The following MCM9 variants were observed in gnomAD, a reference collection of about 807,000 sequenced individuals.
MCM9 encodes the protein DNA helicase MCM9.
MCM9 carries 55 observed loss-of-function variants against 72.8 expected under a neutral mutation model. That is an observed-to-expected ratio of 0.76 (90% confidence interval 0.61 to 0.95). The LOEUF is 0.95. Ranked by LOEUF, MCM9 falls within the 40% of genes least tolerant of loss-of-function variation. The pLI, the probability that MCM9 is intolerant of heterozygous loss-of-function variation, is 0.00. For missense variants in MCM9, 1,279 were observed against 1,377.0 expected (o/e 0.93, Z 1.13); for synonymous variants, 480 against 503.4 (o/e 0.95, Z 0.62).
chr6:118,930,269 C>T (rs1237245134), intron 3 of MCM9, among the ~76,000 whole-genome samples: 1 of 152,066 alleles, frequency 6.6e-6, no homozygotes, highest in Non-Finnish European at 1.5e-5. Context: ...CGCCACCATG[C>T]CCGGCTAATT....
chr6:118,829,630 G>GGAT (rs1321705244), intron 9 of MCM9, among the ~76,000 whole-genome samples: 5 of 152,132 alleles, frequency 3.3e-5, no homozygotes, highest in African/African-American at 1.2e-4. Context: ...GGGGAAATAG[G>GGAT]GATGATGTAT....
intron 9 of MCM9, among the ~76,000 whole-genome samples, chr6:118,836,181 C>A (rs552073852): frequency 1.3e-5 from 2 of 152,318 alleles, no homozygotes; most frequent in African/African-American, 2.4e-5. Flanking sequence ...ACCAGCCTTG[C>A]ATCCCAGGGA....
intron 8 of MCM9, among the ~76,000 whole-genome samples, chr6:118,879,570 C>A (rs1453328734): frequency 6.6e-6 from 1 of 152,136 alleles, no homozygotes; most frequent in Non-Finnish European, 1.5e-5. Context: ...AATTTGTTTA[C>A]ATACTGTCTA....
chr6:118,870,552 T>C (rs1777534392), intron 8 of MCM9, among the ~76,000 whole-genome samples: 1 of 151,626 alleles, frequency 6.6e-6, no homozygotes, highest in African/African-American at 2.4e-5. Flanking sequence ...ATATTGCAAA[T>C]AATCTAACAT....
At chr6:118,914,473 G>T (rs1422512915) in intron 6 of MCM9, among the ~76,000 whole-genome samples, 1 of 152,164 alleles carries the variant, frequency 6.6e-6, no homozygotes, top group Non-Finnish European at 1.5e-5. Flanking sequence ...AATCTATGAT[G>T]ATGTGGCCTG....
chr6:118,934,869 G>A (rs572048554), intron 1 of MCM9, 22 bp downstream of exon 1: 2 of 152,440 alleles, frequency 1.3e-5, no homozygotes, highest in Admixed American at 6.5e-5. Context: ...AACCGCGAAA[G>A]GAGGAGGCGG....
At chr6:118,869,031 T>C (rs900101094) in intron 8 of MCM9, among the ~76,000 whole-genome samples, 5 of 152,154 alleles carry the variant, frequency 3.3e-5, no homozygotes, top group African/African-American at 1.2e-4. Flanking sequence ...CCATCAATGA[T>C]AGACTGGATT....
intron 8 of MCM9, among the ~76,000 whole-genome samples, chr6:118,859,593 C>T (rs1458515457): frequency 3.3e-5 from 5 of 152,232 alleles, no homozygotes; most frequent in African/African-American, 4.8e-5. Flanking sequence ...CTATTATTAG[C>T]AAATTGCTAA....
chr6:118,886,694 C>G (rs867084385), intron 8 of MCM9, among the ~76,000 whole-genome samples: 1 of 152,126 alleles, frequency 6.6e-6, no homozygotes, highest in East Asian at 1.9e-4. Context: ...GTGGCTCACG[C>G]TGTAATCTCA....
At chr6:118,926,669 T>G (rs1205569240) in intron 3 of MCM9, among the ~76,000 whole-genome samples, 1 of 152,226 alleles carries the variant, frequency 6.6e-6, no homozygotes, top group Non-Finnish European at 1.5e-5. Flanking sequence ...ATTTTGTTTA[T>G]TCATTTATTA....
intron 9 of MCM9, among the ~76,000 whole-genome samples, chr6:118,838,104 C>T (rs1419214436): frequency 6.6e-6 from 1 of 150,698 alleles, no homozygotes; most frequent in East Asian, 1.9e-4. Flanking sequence ...GATTTTATTT[C>T]TCCTTAGGTT....
At chr6:118,819,704 C>T (rs1773662583) in intron 13 of MCM9, among the ~76,000 whole-genome samples, 1 of 152,150 alleles carries the variant, frequency 6.6e-6, no homozygotes, top group Admixed American at 6.5e-5. Flanking sequence ...GATACCAGCT[C>T]CTCTTTGTAC....
Position 118,816,280 on chromosome 6 carries a change from C to T in MCM9, c.1976G>A (p.Ser659Asn). 6.5e-7 allele frequency: 1 copy of T among 1,535,808 alleles called. No homozygotes were observed. The highest frequency in any genetic ancestry group is 8.8e-7 in the Non-Finnish European group (1 of 1,139,222). Residue 659 changes from serine (S) to asparagine (N), a missense_variant, in exon 14 of 14, where the codon AGT (serine) becomes AAT (asparagine). By Grantham distance (46) the Ser-to-Asn change is conservative (BLOSUM62 1). Coordinates refer to ENST00000619706, the MANE Select transcript of MCM9 (RefSeq NM_017696.3). ...TACCCGTGGTTGGGATTGGTGCACACTCTGATTCTGTAACCTGTAGCAAAG... is the reference window on the plus strand; with the variant it reads ...TACCCGTGGTTGGGATTGGTGCACATTCTGATTCTGTAACCTGTAGCAAAG... ...LRRLERLQNQSVHQSQPRVLE... is the reference protein window; with the variant it reads ...LRRLERLQNQNVHQSQPRVLE...
At chr6:118,920,562 G>A (rs1282643837) in intron 5 of MCM9, 1 of 152,262 alleles carries the variant, frequency 6.6e-6, no homozygotes, top group East Asian at 1.9e-4. Flanking sequence ...CATGCAGGTG[G>A]ATCCCTCATG....
intron 9 of MCM9, among the ~76,000 whole-genome samples, chr6:118,850,772 G>T (rs812687): frequency 0.98 from 148,098 of 151,716 alleles, 72,508 homozygotes; most frequent in Middle Eastern, 1. Context: ...ACACAGAACC[G>T]AATAATCCAA....
intron 3 of MCM9, among the ~76,000 whole-genome samples, chr6:118,925,815 C>G (rs1366906608): frequency 6.6e-6 from 1 of 152,006 alleles, no homozygotes; most frequent in Non-Finnish European, 1.5e-5. Flanking sequence ...TCTTGTTTAC[C>G]TGGCCTTAAC....
intron 8 of MCM9, among the ~76,000 whole-genome samples, chr6:118,880,335 A>G (rs1366102149): frequency 1.3e-5 from 2 of 152,202 alleles, no homozygotes; most frequent in African/African-American, 4.8e-5. Flanking sequence ...AAGAGGAATG[A>G]GCTGCCTTAC....
intron 8 of MCM9, among the ~76,000 whole-genome samples, chr6:118,884,089 GA>G (rs1343036001): frequency 6.6e-6 from 1 of 152,148 alleles, no homozygotes; most frequent in Non-Finnish European, 1.5e-5. Context: ...TTGGATTAAG[GA>G]AATGACTCCA....
chr6:118,881,311 A>G (rs1778272944), intron 8 of MCM9, among the ~76,000 whole-genome samples: 2 of 152,124 alleles, frequency 1.3e-5, no homozygotes, highest in East Asian at 1.9e-4. Flanking sequence ...GCATCTAGAT[A>G]AGAACGTTTC....
Sources: allele counts gnomAD v4.1 joint callset (sites outside exome capture counted in the v4.1 genomes callset), GRCh38; gene constraint gnomAD v4.1.1; transcripts MANE v1.5; gene names NCBI Gene and HGNC (gene_info 2026-07-23, HGNC 2026-07-21).